Variants in CTBP2 observed in about 807,000 individuals in gnomAD.
CTBP2 encodes C-terminal-binding protein 2.
CTBP2 carries 30 observed loss-of-function variants against 80.3 expected under a neutral mutation model. That is an observed-to-expected ratio of 0.37 (90% CI 0.28 to 0.51). The LOEUF (loss-of-function observed/expected upper bound fraction) is 0.51, where lower values mean the gene tolerates loss of function less well. Among genes scored for constraint, CTBP2 ranks in the 20% least tolerant of loss-of-function variants. The probability of loss-of-function intolerance (pLI) is 0.93; values close to 1 mark genes in which losing one functional copy is unlikely to be tolerated. For synonymous variants in CTBP2, 594 were observed against 587.4 expected (o/e 1.01, Z -0.16); for missense variants, 1,212 against 1,375.3 (o/e 0.88, Z 1.88).
At chr10:124,991,606 G>C (rs964966191) in intron 8 of CTBP2, among the ~76,000 whole-genome samples, 8 of 152,128 alleles carry the variant, frequency 5.3e-5, no homozygotes, top group Admixed American at 1.3e-4. Flanking sequence ...CTACAGCAGG[G>C]GACATGTGGC....
At chr10:124,995,730 C>T (rs962405485) in intron 4 of CTBP2, among the ~76,000 whole-genome samples, 8 of 152,222 alleles carry the variant, frequency 5.3e-5, no homozygotes, top group African/African-American at 1.9e-4. Context: ...CGAACCATCA[C>T]GCCTCTCCTC....
rs534033959 is a variant in CTBP2 at position 125,015,530 on chromosome 10, G to A, written c.1678+10552C>T. Among the ~76,000 whole-genome samples the A allele has an allele frequency of 3.3e-5, 5 of 152,306 alleles. No individual in the cohort carries two copies. In the East Asian group the frequency reaches 9.6e-4, roughly 29 times the overall value. ...CAGCCGGGCTCCCAGGGCTCCCTCCGTCCACTCCCGGTCTTGCAGTTGGGA... is the reference window on the plus strand; with the variant it reads ...CAGCCGGGCTCCCAGGGCTCCCTCCATCCACTCCCGGTCTTGCAGTTGGGA... On this transcript the variant is annotated intron_variant, in intron 1 of 8. Coordinates refer to ENST00000309035, the MANE Select transcript of CTBP2 (RefSeq NM_022802.3).
At chr10:125,161,874 C>T (rs1209740369), upstream of CTBP2, among the ~76,000 whole-genome samples, 3 of 152,204 alleles carry the variant, frequency 2.0e-5, no homozygotes, top group African/African-American at 7.2e-5. Flanking sequence ...CCGGAGCCCA[C>T]GCCGTCCTGA....
At chr10:125,029,227 T>G (rs544491738), upstream of CTBP2, among the ~76,000 whole-genome samples, 4 of 150,310 alleles carry the variant, frequency 2.7e-5, no homozygotes, top group South Asian at 8.4e-4. Context: ...TCTTTAAATT[T>G]TTTTTTTTTG....
Position 124,993,857 on chromosome 10 carries a change from G to A in CTBP2, c.2529C>T (p.Phe843=). Residue 843 remains phenylalanine, a splice_region_variant and synonymous_variant, in exon 6 of 9, where the codon TTC becomes TTT. Coordinates refer to ENST00000309035, the MANE Select transcript of CTBP2 (RefSeq NM_022802.3). Reference sequence around the variant, plus strand: ...TAGGCGGCTGGGGCAACACGCACCTGAAGGGCTCTGACTCATGCACGTCGA... The same window carrying A: ...TAGGCGGCTGGGGCAACACGCACCTAAAGGGCTCTGACTCATGCACGTCGA... The A allele has an allele frequency of 6.2e-7, 1 of 1,612,150 alleles. No homozygotes were observed. Among genetic ancestry groups the A allele is most frequent in the Middle Eastern group, 1.9e-4 (1 of 5,134 alleles).
intron 7 of CTBP2, 23 bp downstream of exon 9, chr10:124,993,179 G>A: frequency 4.4e-6 from 7 of 1,584,568 alleles, no homozygotes; most frequent in Non-Finnish European, 5.2e-6. Context: ...CCCTTGGCAG[G>A]CCAGAGGCAC....
intron 1 of CTBP2, among the ~76,000 whole-genome samples, chr10:125,011,653 T>A (rs932172932): frequency 6.6e-6 from 1 of 152,212 alleles, no homozygotes; most frequent in Non-Finnish European, 1.5e-5. Context: ...GACAAGCACG[T>A]GCAGTCACTT....
Position 124,992,775 on chromosome 10 carries a change from C to T in CTBP2, c.2697G>A (p.Lys899=), listed in dbSNP as rs1371486932. The T allele has an allele frequency of 6.2e-7, 1 of 1,611,206 alleles. No individual in the cohort carries two copies. The highest frequency in any genetic ancestry group is 8.5e-7 in the Non-Finnish European group (1 of 1,178,352). Residue 899 remains lysine, a synonymous_variant, in exon 8 of 9, where the codon AAG becomes AAA. Coordinates refer to ENST00000309035, the MANE Select transcript of CTBP2 (RefSeq NM_022802.3). ...AAGGCGCTGATGTGACAAAGAATTC[C>T]TTGTTCACACAATTTCTTAAGCTTT...
chr10:125,149,759 G>C (rs576753398), intron 1 of CTBP2, among the ~76,000 whole-genome samples: 2 of 152,208 alleles, frequency 1.3e-5, no homozygotes, highest in East Asian at 3.9e-4. Flanking sequence ...ACCCTCTATG[G>C]AAAGCCAAGG....
chr10:125,022,311 G>A (rs368093039), intron 1 of CTBP2, among the ~76,000 whole-genome samples: 1 of 152,248 alleles, frequency 6.6e-6, no homozygotes, highest in Non-Finnish European at 1.5e-5. Flanking sequence ...CATAGTCACA[G>A]TTAACTGTCC....
At chr10:125,064,606 G>A (rs931773645) in intron 2 of CTBP2, among the ~76,000 whole-genome samples, 5 of 152,204 alleles carry the variant, frequency 3.3e-5, no homozygotes, top group Admixed American at 1.3e-4. Context: ...GTCAGAGTGC[G>A]TGCTCTGAAT....
chr10:125,131,205 G>A (rs1204784153), intron 1 of CTBP2, among the ~76,000 whole-genome samples: 1 of 152,212 alleles, frequency 6.6e-6, no homozygotes, highest in Non-Finnish European at 1.5e-5. Context: ...GATTCAGAAC[G>A]TAGCAGCTGG....
At chr10:125,062,403 A>G (rs1011150726) in intron 2 of CTBP2, among the ~76,000 whole-genome samples, 1 of 152,082 alleles carries the variant, frequency 6.6e-6, no homozygotes, top group African/African-American at 2.4e-5. Flanking sequence ...TGATGAGGAC[A>G]TCTGCTTTTT....
At chr10:125,065,814 C>T (rs1844530939) in intron 2 of CTBP2, among the ~76,000 whole-genome samples, 1 of 152,194 alleles carries the variant, frequency 6.6e-6, no homozygotes, top group South Asian at 2.1e-4. Context: ...AAAATGCCAT[C>T]ATCGGCTGGG....
intron 2 of CTBP2, among the ~76,000 whole-genome samples, chr10:125,093,535 G>T (rs1214767160): frequency 6.6e-6 from 1 of 152,186 alleles, no homozygotes; most frequent in Non-Finnish European, 1.5e-5. Flanking sequence ...ACCAAAGCAG[G>T]AGAGTCGACT....
At position 124,986,658 on chromosome 10, in the gene CTBP2, C is replaced by CTGTT. The variant is rs1190061307; in HGVS notation, c.*2856_*2859dup. On this transcript the variant is annotated 3_prime_UTR_variant, in exon 9 of 9. Transcript: ENST00000309035. ...TGGTGAATGTGTTGTTAAAAATTGG[C>CTGTT]TGTTTGCTTTCATTTTGGCCAATAA... 1.3e-5 allele frequency: 2 copies of CTGTT among 152,160 alleles called. No homozygotes were observed. Among genetic ancestry groups the CTGTT allele is most frequent in the East Asian group, 1.9e-4 (1 of 5,204 alleles). 9.4% of individuals were successfully genotyped at this position (152,160 alleles called of 1,614,324 possible).
intron 2 of CTBP2, among the ~76,000 whole-genome samples, chr10:125,101,460 C>T (rs1321403248): frequency 1.3e-5 from 2 of 152,226 alleles, no homozygotes; most frequent in African/African-American, 2.4e-5. Context: ...AGCACCTCGC[C>T]TTGGCTGCGG....
intron 4 of CTBP2, chr10:124,996,660 TC>T (rs1361593428): frequency 1.3e-5 from 2 of 151,320 alleles, no homozygotes; most frequent in Admixed American, 6.6e-5. Flanking sequence ...AACAAGCACC[TC>T]CCCAGTGAGG....
chr10:125,037,281 C>G (rs1372457737), intron 3 of CTBP2, among the ~76,000 whole-genome samples: 2 of 152,194 alleles, frequency 1.3e-5, no homozygotes, highest in Non-Finnish European at 2.9e-5. Context: ...TGGAAACACA[C>G]AGAGGAAACG....
Sources: gnomAD v4.1 joint callset for allele counts (sites outside exome capture counted in the v4.1 genomes callset) on GRCh38, gnomAD v4.1.1 for gene constraint, MANE v1.5 for transcripts, NCBI Gene and HGNC (gene_info 2026-07-23, HGNC 2026-07-21) for gene names.